CNNM2: variants seen among roughly 807,000 people sequenced by gnomAD.
CNNM2 encodes the protein cyclin and CBS domain divalent metal cation transport mediator 2.
In CNNM2, 12 loss-of-function variants were observed where a neutral mutation model predicts 66.9. The observed-to-expected ratio is 0.18, with a 90% CI of 0.11 to 0.29. The LOEUF is 0.29. Among genes scored for constraint, CNNM2 ranks in the 10% least tolerant of loss-of-function variants. The probability of loss-of-function intolerance (pLI) is 1.00; values close to 1 mark genes in which losing one functional copy is unlikely to be tolerated. For missense variants in CNNM2, 705 were observed against 1,167.7 expected (o/e 0.60, Z 5.77); for synonymous variants, 557 against 501.8 (o/e 1.11, Z -1.47).
At position 102,919,794 on chromosome 10, in the gene CNNM2, G is replaced by A. The variant is rs1845554291; in HGVS notation, c.1314G>A (p.Ala438=). 1 of 1,614,226 alleles carries A rather than the reference G, an allele frequency of 6.2e-7. No homozygotes were observed. Residue 438 remains alanine, a synonymous_variant, in exon 1 of 8, where the codon GCG becomes GCA. Coordinates refer to ENST00000369878, the MANE Select transcript of CNNM2 (RefSeq NM_017649.5). ...AGGAGCTGAACATCATCCAAGGGGCGCTGGAGCTCCGCACCAAGACGGTGG... is the reference window on the plus strand; with the variant it reads ...AGGAGCTGAACATCATCCAAGGGGCACTGGAGCTCCGCACCAAGACGGTGG... The part of the protein sequence containing the change: ...VKEELNIIQG[A]LELRTKTVED...
At chr10:102,933,212 CA>C (rs1458512922) in intron 1 of CNNM2, among the ~76,000 whole-genome samples, 2 of 152,130 alleles carry the variant, frequency 1.3e-5, no homozygotes, top group Non-Finnish European at 2.9e-5. Flanking sequence ...ATCTGTAGAT[CA>C]ATTTAGGAGT....
intron 1 of CNNM2, among the ~76,000 whole-genome samples, chr10:103,012,639 CTTTTTTTTT>C (rs78646079): frequency 8.5e-6 from 1 of 118,072 alleles, no homozygotes; most frequent in African/African-American, 3.2e-5. Flanking sequence ...CAGAGCAAGA[CTTTTTTTTT>C]TTTTTTTTTT....
rs551060875 is a variant in CNNM2, at chr10:102,981,585, G to C, written c.1621+61484G>C. Among the ~76,000 whole-genome samples the C allele has an allele frequency of 5.3e-5, 8 of 151,562 alleles. No homozygotes were observed. The East Asian group carries it at 1.4e-3, about 26-fold the overall frequency. ...TTGGTATTTTTTTTTTTTAAGTCAAGGTTCGCCATGTTGCCCAGGCTGGTT... is the reference window on the plus strand; with the variant it reads ...TTGGTATTTTTTTTTTTTAAGTCAACGTTCGCCATGTTGCCCAGGCTGGTT... On this transcript the variant is annotated intron_variant, in intron 1 of 7. Coordinates refer to ENST00000369878, the MANE Select transcript of CNNM2 (RefSeq NM_017649.5).
intron 1 of CNNM2, among the ~76,000 whole-genome samples, chr10:102,980,882 T>C (rs2063708812): frequency 6.6e-6 from 1 of 152,236 alleles, no homozygotes; most frequent in South Asian, 2.1e-4. Context: ...TTTCTTTGCT[T>C]ACTTTTCTTC....
intron 1 of CNNM2, among the ~76,000 whole-genome samples, chr10:102,982,397 A>G (rs1230435065): frequency 6.6e-6 from 1 of 152,270 alleles, no homozygotes; most frequent in Non-Finnish European, 1.5e-5. Context: ...CAAATGAATG[A>G]AATGATTAGA....
intron 1 of CNNM2, among the ~76,000 whole-genome samples, chr10:103,020,309 C>T (rs1564847958): frequency 6.6e-6 from 1 of 152,086 alleles, no homozygotes; most frequent in Non-Finnish European, 1.5e-5. Flanking sequence ...ACACCCACCA[C>T]CACGCCCAGC....
chr10:103,036,058 T>C (rs1385876022), intron 1 of CNNM2, among the ~76,000 whole-genome samples: 1 of 152,198 alleles, frequency 6.6e-6, no homozygotes, highest in Admixed American at 6.5e-5. Flanking sequence ...TTCTGCTTTC[T>C]GTTAATCCCT....
At chr10:102,968,810 A>T (rs1328531687) in intron 1 of CNNM2, among the ~76,000 whole-genome samples, 3 of 151,108 alleles carry the variant, frequency 2.0e-5, no homozygotes, top group Non-Finnish European at 4.4e-5. Flanking sequence ...TATGTTGCCT[A>T]GTCTGGTCTC....
intron 1 of CNNM2, among the ~76,000 whole-genome samples, chr10:103,016,139 G>A (rs770758455): frequency 3.3e-5 from 5 of 150,686 alleles, no homozygotes; most frequent in African/African-American, 1.2e-4. Flanking sequence ...CAAGCCCCCC[G>A]CTTCCCCCAA....
At chr10:103,062,494 A>G (rs1478313220) in intron 4 of CNNM2, among the ~76,000 whole-genome samples, 1 of 152,204 alleles carries the variant, frequency 6.6e-6, no homozygotes, top group Non-Finnish European at 1.5e-5. Flanking sequence ...AAACTTTTAA[A>G]ATTATACTAC....
In CNNM2 at chr10:103,080,849, A is replaced by G. The variant is rs970747970; in HGVS notation, c.*3669A>G. On this transcript the variant is annotated 3_prime_UTR_variant, in exon 8 of 8. Coordinates refer to ENST00000369878, the MANE Select transcript of CNNM2 (RefSeq NM_017649.5). ...CAGGTACCATGAACTTCTGCCCTCA[A>G]ATTCTCTCTTTGGGTTGAGGAGCAG... The G allele has an allele frequency of 4.6e-5, 7 of 152,192 alleles. No individual in the cohort carries two copies. The highest frequency in any genetic ancestry group is 3.2e-3 in the Middle Eastern group (1 of 316). 9.4% of individuals were successfully genotyped at this position (152,192 alleles called of 1,614,324 possible). A position where few individuals can be genotyped will look rare whatever the true frequency, so the allele number is the denominator to read the frequency against.
chr10:103,024,863 C>T (rs954144936), intron 1 of CNNM2, among the ~76,000 whole-genome samples: 2 of 152,128 alleles, frequency 1.3e-5, no homozygotes, highest in Admixed American at 6.5e-5. Flanking sequence ...GTCATTGTAT[C>T]ATTTAACTCA....
chr10:103,012,937 C>T (rs2064373686), intron 1 of CNNM2, among the ~76,000 whole-genome samples: 1 of 152,134 alleles, frequency 6.6e-6, no homozygotes. Flanking sequence ...TTGCTTCAAA[C>T]ATAGAAAGAA....
intron 1 of CNNM2, among the ~76,000 whole-genome samples, chr10:102,996,095 A>G (rs2063996704): frequency 6.6e-6 from 1 of 152,042 alleles, no homozygotes; most frequent in Non-Finnish European, 1.5e-5. Flanking sequence ...TCCTTTTATT[A>G]TCTGTGAGGT....
At chr10:102,927,587 A>G (rs1329794002) in intron 1 of CNNM2, 14 of 805,700 alleles carry the variant, frequency 1.7e-5, no homozygotes, top group South Asian at 6.4e-5. Flanking sequence ...CCATGGTGAA[A>G]CCCCGTTTCT....
At chr10:103,069,972 C>T (rs1381842248) in intron 5 of CNNM2, among the ~76,000 whole-genome samples, 1 of 152,214 alleles carries the variant, frequency 6.6e-6, no homozygotes, top group Non-Finnish European at 1.5e-5. Flanking sequence ...CTGCTCCACC[C>T]AGTAGTCTGA....
At chr10:102,996,318 C>T (rs982932951) in intron 1 of CNNM2, among the ~76,000 whole-genome samples, 1 of 151,908 alleles carries the variant, frequency 6.6e-6, no homozygotes, top group African/African-American at 2.4e-5. Flanking sequence ...TCTTGTATCC[C>T]TATATTCTGC....
At chr10:103,041,151 A>G (rs906616585) in intron 1 of CNNM2, among the ~76,000 whole-genome samples, 3 of 151,914 alleles carry the variant, frequency 2.0e-5, no homozygotes, top group Non-Finnish European at 2.9e-5. Flanking sequence ...TTATCACAAC[A>G]TTACCTATTC....
intron 1 of CNNM2, among the ~76,000 whole-genome samples, chr10:102,977,419 C>G (rs141815973): frequency 4.3e-3 from 662 of 152,274 alleles, no homozygotes; most frequent in Middle Eastern, 0.01. Flanking sequence ...TTGGGATACT[C>G]AACCTGTATT....
Sources: allele counts gnomAD v4.1 joint callset (sites outside exome capture counted in the v4.1 genomes callset), GRCh38; gene constraint gnomAD v4.1.1; transcripts MANE v1.5; gene names NCBI Gene and HGNC (gene_info 2026-07-23, HGNC 2026-07-21).